NEU2: variants seen among roughly 807,000 people sequenced by gnomAD.
The protein encoded by NEU2 is neuraminidase 2, also known as sialidase-2.
NEU2 carries 7 observed loss-of-function variants against 6.3 expected under a neutral mutation model. The ratio of observed to expected loss-of-function variants is 1.12; its 90% confidence interval spans 0.63 to 2.10. The LOEUF is 2.10. NEU2 is among the 30% of genes most tolerant of loss of function. The pLI is 0.00. For synonymous variants in NEU2, 208 were observed against 223.3 expected (o/e 0.93, Z 0.61); for missense variants, 509 against 504.0 (o/e 1.01, Z -0.09).
At chr2:233,033,590 A>T (rs1263178140) in intron 1 of NEU2, among the ~76,000 whole-genome samples, 1 of 152,242 alleles carries the variant, frequency 6.6e-6, no homozygotes, top group Non-Finnish European at 1.5e-5. Context: ...GACAGACAGC[A>T]CATGTGACAT....
chr2:233,034,444 C>T lies in NEU2; in HGVS notation c.530C>T (p.Pro177Leu). Residue 177 changes from proline to leucine, a missense_variant, in exon 2 of 2, where the codon CCC (proline) becomes CTC (leucine). By Grantham distance (98) the Pro-to-Leu change is moderately conservative. Transcript: ENST00000233840. This position sits in a 1 kb window ranked among gnomAD's most constrained non-coding sequence, Gnocchi z 4.8. ...GACAGGGCCCGGAGCCTGGTGGTGC[C>T]CGCCTACGCCTACCGGAAACTTCAC... ...LHDRARSLVV[P>L]AYAYRKLHPI... 6.2e-7 allele frequency: 1 copy of T among 1,613,972 alleles called. No individual in the cohort carries two copies. Among genetic ancestry groups the T allele is most frequent in the Non-Finnish European group, 8.5e-7 (1 of 1,179,878 alleles).
rs61750784 is a variant in NEU2, at chr2:233,034,534, C to T, written c.620C>T (p.Ala207Val). The change falls in exon 2 of 2, where the codon GCG becomes GTG. Residue 207 changes from alanine (A) to valine (V), a missense_variant. Physicochemically the swap from Ala to Val is moderately conservative, Grantham distance 64. Transcript: ENST00000233840. The surrounding 1 kb of genome is among the most constrained non-coding windows in gnomAD (Gnocchi z 4.8). ...AGCCATGACCATGGGCGCACGTGGG[C>T]GCGAGGGCACTTTGTGGCCCAGGAC... ...FLSHDHGRTW[A>V]RGHFVAQDTL... 91 of 1,613,958 alleles carry T rather than the reference C, an allele frequency of 5.6e-5. No homozygotes were observed. The Middle Eastern group carries it at 9.9e-4, about 17-fold the overall frequency.
chr2:233,034,446 G>A lies in NEU2; in HGVS notation c.532G>A (p.Ala178Thr), dbSNP rs1458910860. The change falls in exon 2 of 2, where the codon GCC becomes ACC. Residue 178 changes from alanine to threonine, a missense_variant. Physicochemically the swap from Ala to Thr is moderately conservative, Grantham distance 58 (BLOSUM62 0). Transcript: ENST00000233840. This position sits in a 1 kb window ranked among gnomAD's most constrained non-coding sequence, Gnocchi z 4.8. ...CAGGGCCCGGAGCCTGGTGGTGCCC[G>A]CCTACGCCTACCGGAAACTTCACCC... ...HDRARSLVVPAYAYRKLHPIQ... is the reference protein window; with the variant it reads ...HDRARSLVVPTYAYRKLHPIQ... The A allele has an allele frequency of 2.5e-6, 4 of 1,613,932 alleles. No homozygotes were observed. The highest frequency in any genetic ancestry group is 1.3e-5 in the African/African-American group (1 of 75,018).
At position 233,032,866 on chromosome 2, in the gene NEU2, G is replaced by C. The variant is rs1690534529; in HGVS notation, c.195G>C (p.Gln65His). The C allele has an allele frequency of 1.3e-6, 2 of 1,597,392 alleles. No individual in the cohort carries two copies. Among genetic ancestry groups the C allele is most frequent in the Non-Finnish European group, 1.7e-6 (2 of 1,172,164 alleles). Reference sequence around the variant, plus strand: ...GAGACTACGACGCACCCACCCACCAGGTTCAGGTGAGGCAGGAGGTGTCTG... The same window carrying C: ...GAGACTACGACGCACCCACCCACCACGTTCAGGTGAGGCAGGAGGTGTCTG... Reference protein sequence around the residue: ...RRGDYDAPTHQVQWQAQEVVA... With the variant: ...RRGDYDAPTHHVQWQAQEVVA... Residue 65 changes from glutamine to histidine, a missense_variant, in exon 1 of 2, where the codon CAG becomes CAC. Physicochemically the swap from Gln to His is conservative, Grantham distance 24 (BLOSUM62 0). Coordinates refer to ENST00000233840, the MANE Select transcript of NEU2 (RefSeq NM_005383.2).
At position 233,034,104 on chromosome 2, in the gene NEU2, C is replaced by G. The variant is rs765887917; in HGVS notation, c.202-12C>G. On this transcript the variant is annotated splice_polypyrimidine_tract_variant and intron_variant, in intron 1 of 1. Transcript: ENST00000233840. This position sits in a 1 kb window ranked among gnomAD's most constrained non-coding sequence, Gnocchi z 4.8. ...TTCAAGGCTGCCTTCTTCTTTCTCT[C>G]TCCCTACTCAGTGGCAAGCTCAGGA... 1 of 1,596,638 alleles carries G rather than the reference C, an allele frequency of 6.3e-7. No individual in the cohort carries two copies. Among genetic ancestry groups the G allele is most frequent in the Non-Finnish European group, 8.5e-7 (1 of 1,171,770 alleles).
Position 233,034,395 on chromosome 2 carries a change from C to T in NEU2, c.481C>T (p.Pro161Ser), listed in dbSNP as rs751574083. 4 of 1,613,970 alleles carry T rather than the reference C, an allele frequency of 2.5e-6. No individual in the cohort carries two copies. In the South Asian group the frequency reaches 3.3e-5, roughly 13 times the overall value. The change falls in exon 2 of 2, where the codon CCG becomes TCG. Residue 161 changes from proline to serine, a missense_variant. Physicochemically the swap from Pro to Ser is moderately conservative, Grantham distance 74 (BLOSUM62 -1). Transcript: ENST00000233840. This position sits in a 1 kb window ranked among gnomAD's most constrained non-coding sequence, Gnocchi z 4.8. ...YREWSTFAVG[P>S]GHCLQLHDRA... Reference sequence around the variant, plus strand: ...GGAGTGGTCCACCTTTGCAGTGGGCCCGGGGCATTGTTTGCAGCTTCACGA... The same window carrying T: ...GGAGTGGTCCACCTTTGCAGTGGGCTCGGGGCATTGTTTGCAGCTTCACGA...
chr2:233,032,920 C>A, intron 1 of NEU2, 48 bp downstream of exon 1: 1 of 1,537,048 alleles, frequency 6.5e-7, no homozygotes, highest in Non-Finnish European at 8.8e-7. Context: ...CTGCCACACC[C>A]TTTGCTGCTG....
intron 1 of NEU2, among the ~76,000 whole-genome samples, chr2:233,033,782 C>T (rs1690546816): frequency 6.6e-6 from 1 of 152,100 alleles, no homozygotes; most frequent in Non-Finnish European, 1.5e-5. Context: ...GTGGAGGAAC[C>T]AGGATGAAGT....
chr2:233,034,799 C>A lies in NEU2; in HGVS notation c.885C>A (p.Tyr295Ter). 1 of 1,572,452 alleles carries A rather than the reference C, an allele frequency of 6.4e-7. No individual in the cohort carries two copies. Among genetic ancestry groups the A allele is most frequent in the East Asian group, 2.2e-5 (1 of 44,516 alleles). Residue 295 changes from tyrosine to a stop codon, truncating the protein, a stop_gained, in exon 2 of 2, where the codon TAC (tyrosine) becomes TAA (stop). Transcript: ENST00000233840. LOFTEE classifies it low-confidence loss of function (END_TRUNC). The surrounding 1 kb of genome is among the most constrained non-coding windows in gnomAD (Gnocchi z 4.8). ...GCTCCCCAGCCCAGTGGCTGCTCTACACTCACCCCACACACTCCTGGCAGA... is the reference window on the plus strand; with the variant it reads ...GCTCCCCAGCCCAGTGGCTGCTCTAAACTCACCCCACACACTCCTGGCAGA... ...GPGSPAQWLL[Y>*]THPTHSWQRA... is the part of the protein sequence containing the mutation.
At chr2:233,033,031 T>G (rs1164885119) in intron 1 of NEU2, among the ~76,000 whole-genome samples, 159 bp downstream of exon 1, 1 of 152,206 alleles carries the variant, frequency 6.6e-6, no homozygotes, top group Non-Finnish European at 1.5e-5. Context: ...GTGCCCCTAA[T>G]GGTTCCCTGG....
chr2:233,032,915 A>G (rs1574679758), intron 1 of NEU2, 43 bp downstream of exon 1: 2 of 1,544,370 alleles, frequency 1.3e-6, no homozygotes, highest in East Asian at 4.9e-5. Flanking sequence ...GGGCTCTGCC[A>G]CACCCTTTGC....
intron 1 of NEU2, among the ~76,000 whole-genome samples, chr2:233,033,256 C>T (rs1423515061): frequency 6.6e-6 from 1 of 152,118 alleles, no homozygotes; most frequent in East Asian, 1.9e-4. Flanking sequence ...ATAATTAATC[C>T]TGATGACAGC....
rs762902436 is a variant in NEU2 at position 233,034,923 on chromosome 2, C to T, written c.1009C>T (p.Leu337Phe). 8.1e-6 allele frequency: 13 copies of T among 1,614,152 alleles called. No individual in the cohort carries two copies. The Admixed American group carries it at 2.2e-4, about 27-fold the overall frequency. The change falls in exon 2 of 2, where the codon CTC becomes TTC. Residue 337 changes from leucine (L) to phenylalanine (F), a missense_variant. Transcript: ENST00000233840. The surrounding 1 kb of genome is among the most constrained non-coding windows in gnomAD (Gnocchi z 4.8). Reference protein sequence around the residue: ...LAKGSCAYSDLQSMGTGPDGS... With the variant: ...LAKGSCAYSDFQSMGTGPDGS... ...CAAGGGCAGCTGTGCCTACTCAGAC[C>T]TCCAGAGCATGGGCACCGGCCCTGA... is the stretch of plus-strand genomic sequence containing the variant.
chr2:233,034,975 A>G lies in NEU2; in HGVS notation c.1061A>G (p.Tyr354Cys), dbSNP rs1454753091. 1.9e-6 allele frequency: 3 copies of G among 1,614,038 alleles called. No homozygotes were observed. The Admixed American group carries it at 5.0e-5, about 27-fold the overall frequency. The change falls in exon 2 of 2, where the codon TAC (tyrosine) becomes TGC (cysteine). Residue 354 changes from tyrosine to cysteine, a missense_variant. Coordinates refer to ENST00000233840, the MANE Select transcript of NEU2 (RefSeq NM_005383.2). The surrounding 1 kb of genome is among the most constrained non-coding windows in gnomAD (Gnocchi z 4.8). ...PDGSPLFGCL[Y>C]EANDYEEIVF... ...GGGTCCCCCTTGTTTGGGTGTCTGT[A>G]CGAAGCCAATGATTACGAGGAGATT...
chr2:233,032,964 C>G, intron 1 of NEU2, 92 bp downstream of exon 1: 1 of 1,343,282 alleles, frequency 7.4e-7, no homozygotes, highest in Non-Finnish European at 1.0e-6. Flanking sequence ...TCAAGAAATA[C>G]AGGGACAACT....
Position 233,034,437 on chromosome 2 carries a change from G to A in NEU2, c.523G>A (p.Val175Met), listed in dbSNP as rs150676202. Reference sequence around the variant, plus strand: ...GCTTCACGACAGGGCCCGGAGCCTGGTGGTGCCCGCCTACGCCTACCGGAA... The same window carrying A: ...GCTTCACGACAGGGCCCGGAGCCTGATGGTGCCCGCCTACGCCTACCGGAA... ...LQLHDRARSL[V>M]VPAYAYRKLH... The change falls in exon 2 of 2, where the codon GTG becomes ATG. Residue 175 changes from valine (V) to methionine (M), a missense_variant. Coordinates refer to ENST00000233840, the MANE Select transcript of NEU2 (RefSeq NM_005383.2). The surrounding 1 kb of genome is among the most constrained non-coding windows in gnomAD (Gnocchi z 4.8). 63 of 1,613,996 alleles carry A rather than the reference G, an allele frequency of 3.9e-5. No individual in the cohort carries two copies. The African/African-American group carries it at 7.1e-4, about 18-fold the overall frequency.
In NEU2 at chr2:233,032,852, G is replaced by A. The variant is rs181881229; in HGVS notation, c.181G>A (p.Ala61Thr). 75 of 1,607,264 alleles carry A rather than the reference G, an allele frequency of 4.7e-5. No individual in the cohort carries two copies. The African/African-American group carries it at 8.0e-4, about 17-fold the overall frequency. ...TGTCCTGCGCAGAGGAGACTACGAC[G>A]CACCCACCCACCAGGTTCAGGTGAG... ...LIVLRRGDYDAPTHQVQWQAQ... is the reference protein window; with the variant it reads ...LIVLRRGDYDTPTHQVQWQAQ... The change falls in exon 1 of 2, where the codon GCA becomes ACA. Residue 61 changes from alanine (A) to threonine (T), a missense_variant. Transcript: ENST00000233840.
Position 233,034,208 on chromosome 2 carries a change from C to T in NEU2, c.294C>T (p.Leu98=), listed in dbSNP as rs2233388. The T allele has an allele frequency of 2.7e-3, 4,364 of 1,614,156 alleles. 106 individuals are homozygous for T. In the African/African-American group the frequency reaches 0.05, roughly 19 times the overall value. ...TGTATGACGCGCAGACGGGGACCCT[C>T]TTCCTCTTCTTCATTGCCATCCCTG... ...CPLYDAQTGT[L]FLFFIAIPGQ... is the part of the protein sequence containing the mutation. Residue 98 remains leucine, a synonymous_variant, in exon 2 of 2, where the codon CTC becomes CTT. Coordinates refer to ENST00000233840, the MANE Select transcript of NEU2 (RefSeq NM_005383.2). The surrounding 1 kb of genome is among the most constrained non-coding windows in gnomAD (Gnocchi z 4.8).
Position 233,035,007 on chromosome 2 carries a change from C to T in NEU2, c.1093C>T (p.Leu365Phe). 6.2e-7 allele frequency: 1 copy of T among 1,613,264 alleles called. No homozygotes were observed. The highest frequency in any genetic ancestry group is 1.1e-5 in the South Asian group (1 of 90,980). The change falls in exon 2 of 2, where the codon CTC (leucine) becomes TTC (phenylalanine). Residue 365 changes from leucine to phenylalanine, a missense_variant. Physicochemically the swap from Leu to Phe is conservative, Grantham distance 22. Transcript: ENST00000233840. ...EANDYEEIVF[L>F]MFTLKQAFPA... is the part of the protein sequence containing the mutation. ...CAATGATTACGAGGAGATTGTCTTT[C>T]TCATGTTCACCCTGAAGCAAGCCTT...
Sources: gnomAD v4.1 joint callset for allele counts (sites outside exome capture counted in the v4.1 genomes callset) on GRCh38, gnomAD v4.1.1 for gene constraint, Gnocchi (gnomAD v3.1) non-coding constraint, MANE v1.5 for transcripts, NCBI Gene and HGNC (gene_info 2026-07-23, HGNC 2026-07-21) for gene names.